The following CNTN5 variants were observed in gnomAD, a reference collection of about 807,000 sequenced individuals.
The protein encoded by CNTN5 is contactin-5.
Under a neutral mutation model 129.1 loss-of-function variants are expected in CNTN5, and 77 were observed. The observed-to-expected ratio is 0.60, with a 90% CI of 0.50 to 0.72. CNTN5 has a LOEUF of 0.72. Ranked by LOEUF, CNTN5 falls within the 30% of genes least tolerant of loss-of-function variation. CNTN5 has a pLI of 0.00. For missense variants in CNTN5, 1,478 were observed against 1,328.8 expected (o/e 1.11, Z -1.75); for synonymous variants, 509 against 465.6 (o/e 1.09, Z -1.20).
chr11:99,502,394 T>C (rs1313035976), intron 2 of CNTN5, among the ~76,000 whole-genome samples: 1 of 152,154 alleles, frequency 6.6e-6, no homozygotes, highest in Non-Finnish European at 1.5e-5. Flanking sequence ...AGGGACGAGA[T>C]GGAGGTAATT....
chr11:99,312,191 A>C (rs570195898), intron 1 of CNTN5, among the ~76,000 whole-genome samples: 1 of 152,340 alleles, frequency 6.6e-6, no homozygotes, highest in African/African-American at 2.4e-5. Flanking sequence ...AAATTAAATA[A>C]TACATAAACA....
chr11:99,381,656 T>A lies in CNTN5; in HGVS notation c.-71+56172T>A, dbSNP rs1297173148. Among the ~76,000 whole-genome samples the A allele has an allele frequency of 2.6e-5, 4 of 152,312 alleles. No individual in the cohort carries two copies. The South Asian group carries it at 8.3e-4, about 32-fold the overall frequency. On this transcript the variant is annotated intron_variant, in intron 2 of 24. Transcript: ENST00000524871. Reference sequence around the variant, plus strand: ...CTACTTAATTTTAATGTATGTGGCATAGTGTCCCTATTATCAGCAGAAATG... The same window carrying A: ...CTACTTAATTTTAATGTATGTGGCAAAGTGTCCCTATTATCAGCAGAAATG...
intron 2 of CNTN5, among the ~76,000 whole-genome samples, chr11:99,543,560 T>C (rs1352367851): frequency 6.6e-6 from 1 of 152,182 alleles, no homozygotes; most frequent in Non-Finnish European, 1.5e-5. Context: ...CACAATGGTC[T>C]AAAAATATCA....
intron 3 of CNTN5, among the ~76,000 whole-genome samples, chr11:99,606,927 C>T (rs1591351924): frequency 7.7e-6 from 1 of 130,628 alleles, no homozygotes; most frequent in South Asian, 2.4e-4. Context: ...TCCTTCCTTA[C>T]ACCTTATACA....
At chr11:99,229,729 G>A (rs1860889572) in intron 1 of CNTN5, among the ~76,000 whole-genome samples, 1 of 151,952 alleles carries the variant, frequency 6.6e-6, no homozygotes, top group African/African-American at 2.4e-5. Flanking sequence ...TCTAAAATAG[G>A]AAACATTTAC....
chr11:100,075,014 T>C (rs1438037351), intron 13 of CNTN5, among the ~76,000 whole-genome samples: 1 of 152,146 alleles, frequency 6.6e-6, no homozygotes, highest in African/African-American at 2.4e-5. Flanking sequence ...GTATCCTCTA[T>C]TATGTCAAAA....
At position 99,976,221 on chromosome 11, in the gene CNTN5, C is replaced by G. The variant is rs530237069; in HGVS notation, c.877+19212C>G. Reference sequence around the variant, plus strand: ...CCCAAGGCCTTTGGCAACTCTGTCCCTTTGTCTCTGCAGGATACAGCCCTC... The same window carrying G: ...CCCAAGGCCTTTGGCAACTCTGTCCGTTTGTCTCTGCAGGATACAGCCCTC... On this transcript the variant is annotated intron_variant, in intron 8 of 24. Coordinates refer to ENST00000524871, the MANE Select transcript of CNTN5 (RefSeq NM_014361.4). Among the ~76,000 whole-genome samples the G allele has an allele frequency of 5.3e-5, 8 of 152,356 alleles. No homozygotes were observed. The South Asian group carries it at 1.7e-3, about 32-fold the overall frequency.
chr11:99,813,983 CTTG>C (rs1354925470), intron 3 of CNTN5, among the ~76,000 whole-genome samples: 9 of 152,000 alleles, frequency 5.9e-5, no homozygotes, highest in East Asian at 5.8e-4. Flanking sequence ...TCTAAGGAGT[CTTG>C]TTGTAATAAA....
rs549707966 is a variant in CNTN5 at position 99,574,780 on chromosome 11, G to A, written c.55+18511G>A. Among the ~76,000 whole-genome samples, 4 of 151,888 alleles carry A rather than the reference G, an allele frequency of 2.6e-5. No individual in the cohort carries two copies. The South Asian group carries it at 6.2e-4, about 24-fold the overall frequency. On this transcript the variant is annotated intron_variant, in intron 3 of 24. Transcript: ENST00000524871. ...TTGTTTGTTTTTTTTTCCTGTAAAC[G>A]TGTTTTAAGTTTCTTGTAGATTCTG... is the stretch of plus-strand genomic sequence containing the variant.
chr11:99,879,962 T>A (rs1806831546), intron 6 of CNTN5, among the ~76,000 whole-genome samples: 1 of 152,148 alleles, frequency 6.6e-6, no homozygotes, highest in Admixed American at 6.5e-5. Context: ...AGGACAAAAA[T>A]GTCAACAAAA....
At chr11:99,423,923 T>C (rs1384619574) in intron 2 of CNTN5, among the ~76,000 whole-genome samples, 1 of 152,158 alleles carries the variant, frequency 6.6e-6, no homozygotes, top group Non-Finnish European at 1.5e-5. Flanking sequence ...TTAAAGGACG[T>C]TTAGGTTTGA....
intron 1 of CNTN5, among the ~76,000 whole-genome samples, chr11:99,109,139 A>G (rs1430626961): frequency 6.6e-6 from 1 of 151,554 alleles, no homozygotes; most frequent in Non-Finnish European, 1.5e-5. Flanking sequence ...ATATATACAT[A>G]TTTATCTTTT....
intron 9 of CNTN5, among the ~76,000 whole-genome samples, chr11:100,030,577 T>G (rs187658625): frequency 2.6e-5 from 4 of 152,308 alleles, no homozygotes; most frequent in Admixed American, 1.3e-4. Flanking sequence ...TATGCCTCAT[T>G]GTCCGCTTGT....
chr11:100,033,622 C>T (rs1484283333), intron 9 of CNTN5, among the ~76,000 whole-genome samples: 1 of 152,200 alleles, frequency 6.6e-6, no homozygotes, highest in African/African-American at 2.4e-5. Flanking sequence ...TCTTTTATTA[C>T]ATTCACTCTT....
intron 9 of CNTN5, among the ~76,000 whole-genome samples, chr11:100,006,298 A>G (rs1476094272): frequency 6.6e-6 from 1 of 152,134 alleles, no homozygotes; most frequent in African/African-American, 2.4e-5. Context: ...GTGGCAATTT[A>G]TTAAAAGAAG....
intron 17 of CNTN5, among the ~76,000 whole-genome samples, chr11:100,257,213 C>T (rs916767136): frequency 6.6e-6 from 1 of 152,134 alleles, no homozygotes; most frequent in African/African-American, 2.4e-5. Flanking sequence ...AGCAAAGCTG[C>T]TGTAGCCAGA....
chr11:99,254,866 A>C (rs2135803821), intron 1 of CNTN5, among the ~76,000 whole-genome samples: 1 of 152,102 alleles, frequency 6.6e-6, no homozygotes. Context: ...CCCTGAAAAT[A>C]ATTAAAAAGC....
intron 3 of CNTN5, among the ~76,000 whole-genome samples, chr11:99,629,760 T>A (rs189126995): frequency 4.6e-5 from 7 of 152,052 alleles, no homozygotes; most frequent in African/African-American, 1.7e-4. Context: ...TAAAATGAGA[T>A]ACTCAATTCA....
chr11:100,082,236 A>G (rs1944394819), intron 13 of CNTN5, among the ~76,000 whole-genome samples: 1 of 152,208 alleles, frequency 6.6e-6, no homozygotes, highest in South Asian at 2.1e-4. Flanking sequence ...TAGTCCATAT[A>G]GGAAAAATTA....
Sources: allele counts gnomAD v4.1 joint callset (sites outside exome capture counted in the v4.1 genomes callset), GRCh38; gene constraint gnomAD v4.1.1; transcripts MANE v1.5; gene names NCBI Gene and HGNC (gene_info 2026-07-23, HGNC 2026-07-21).